Variants in NATD1 observed in about 807,000 individuals in gnomAD.
NATD1 encodes the protein N-acetyltransferase domain containing 1, also known as protein NATD1.
In NATD1, 9 loss-of-function variants were observed where a neutral mutation model predicts 12.0. The ratio of observed to expected loss-of-function variants is 0.75; its 90% CI spans 0.45 to 1.30. The LOEUF (loss-of-function observed/expected upper bound fraction) is 1.30, where lower values mean the gene tolerates loss of function less well. Ranked by LOEUF, NATD1 falls within the 50% of genes most tolerant of loss-of-function variation. The pLI is 0.00. For missense variants in NATD1, 148 were observed against 148.5 expected, an observed-to-expected ratio of 1.00 and a Z score of 0.02; for synonymous variants, 71 against 65.9, an observed-to-expected ratio of 1.08 and a Z score of -0.37.
chr17:21,247,568 C>A (rs1208448998), intron 1 of NATD1, among the ~76,000 whole-genome samples: 3 of 152,164 alleles, frequency 2.0e-5, no homozygotes, highest in African/African-American at 7.2e-5. Context: ...GTGATCATCC[C>A]GGGACAGGTC....
rs947270796 is a variant in NATD1 at position 21,240,522 on chromosome 17, G to A, written c.*2791C>T. ...ACCTGTTGATGAGCTTGGAGAATGA[G>A]GAAGGGGACGGTCCAGCGGCCAGCT... On this transcript the variant is annotated 3_prime_UTR_variant, in exon 3 of 3. Transcript: ENST00000611551. 7.2e-5 allele frequency: 11 copies of A among 152,668 alleles called. No homozygotes were observed. The highest frequency in any genetic ancestry group is 2.4e-4 in the African/African-American group (10 of 41,470). 9.5% of individuals were successfully genotyped at this position (152,668 alleles called of 1,614,324 possible).
intron 1 of NATD1, among the ~76,000 whole-genome samples, chr17:21,248,198 G>T (rs1975343436): frequency 6.6e-6 from 1 of 152,166 alleles, no homozygotes; most frequent in Non-Finnish European, 1.5e-5. Flanking sequence ...CCACCTTGGA[G>T]GGCCTTCAAA....
chr17:21,250,572 C>G (rs1013566285), intron 1 of NATD1, among the ~76,000 whole-genome samples: 15 of 152,148 alleles, frequency 9.9e-5, no homozygotes, highest in Non-Finnish European at 1.0e-4. Context: ...CGGGGTGAAT[C>G]ACAGCTCTTC....
At position 21,253,320 on chromosome 17, in the gene NATD1, T is replaced by G; in HGVS notation, c.-56A>C. 1.3e-6 allele frequency: 1 copy of G among 783,738 alleles called. No individual in the cohort carries two copies. The highest frequency in any genetic ancestry group is 1.5e-6 in the Non-Finnish European group (1 of 648,546). 48.5% of individuals were successfully genotyped at this position (783,738 alleles called of 1,614,324 possible). ...GGGGGCCGGGGCGCGCGGGGAAAGGTCAGGCGCGCGGCGGGGCTGGAGCGC... is the reference window on the plus strand; with the variant it reads ...GGGGGCCGGGGCGCGCGGGGAAAGGGCAGGCGCGCGGCGGGGCTGGAGCGC... On this transcript the variant is annotated 5_prime_UTR_variant, in exon 1 of 3. Transcript: ENST00000611551.
intron 1 of NATD1, among the ~76,000 whole-genome samples, chr17:21,249,460 C>T (rs1192536960): frequency 6.6e-6 from 1 of 152,170 alleles, no homozygotes; most frequent in African/African-American, 2.4e-5. Context: ...TGGTCCAGCC[C>T]AGCCCAACAC....
At position 21,243,214 on chromosome 17, in the gene NATD1, G is replaced by T; in HGVS notation, c.*99C>A. ...AGTGTCCTTACAAAAATAACTCTGA[G>T]TCTGTTCCCAGTGGGACCAGGTTCC... is the stretch of plus-strand genomic sequence containing the variant. On this transcript the variant is annotated 3_prime_UTR_variant, in exon 3 of 3. Transcript: ENST00000611551. 1.1e-6 allele frequency: 1 copy of T among 883,060 alleles called. No homozygotes were observed. 54.7% of individuals were successfully genotyped at this position (883,060 alleles called of 1,614,324 possible).
chr17:21,252,343 C>A (rs1975384279), intron 1 of NATD1, among the ~76,000 whole-genome samples: 1 of 152,208 alleles, frequency 6.6e-6, no homozygotes, highest in Non-Finnish European at 1.5e-5. Context: ...TAAGGGAGAA[C>A]TTGCCCTTGC....
intron 1 of NATD1, among the ~76,000 whole-genome samples, chr17:21,245,531 G>C (rs1027027722): frequency 9.9e-5 from 15 of 152,114 alleles, no homozygotes; most frequent in Non-Finnish European, 1.6e-4. Flanking sequence ...CTGGCTCTTG[G>C]TATCTCCTTT....
At chr17:21,252,128 T>C (rs1035094269) in intron 1 of NATD1, among the ~76,000 whole-genome samples, 1 of 152,072 alleles carries the variant, frequency 6.6e-6, no homozygotes, top group Non-Finnish European at 1.5e-5. Context: ...CTGGCCAACA[T>C]GGTGAAAGCC....
chr17:21,253,147 G>A lies in NATD1; in HGVS notation c.106+12C>T. ...GCAGACAAAAGGTCGGGGCGGGCCG[G>A]GGCCGCCTTACCGTTGAGCCGGACA... On this transcript the variant is annotated intron_variant, in intron 1 of 2. Transcript: ENST00000611551. 1 of 1,018,108 alleles carries A rather than the reference G, an allele frequency of 9.8e-7. No homozygotes were observed. Among genetic ancestry groups the A allele is most frequent in the Non-Finnish European group, 1.2e-6 (1 of 852,160 alleles). 63.1% of individuals were successfully genotyped at this position (1,018,108 alleles called of 1,614,324 possible). A position where few individuals can be genotyped will look rare whatever the true frequency, so the allele number is the denominator to read the frequency against.
intron 1 of NATD1, among the ~76,000 whole-genome samples, chr17:21,247,131 T>G (rs532755937): frequency 6.6e-6 from 1 of 152,232 alleles, no homozygotes; most frequent in African/African-American, 2.4e-5. Flanking sequence ...GGGCCATGGA[T>G]GGACCTGACC....
At chr17:21,248,115 C>G (rs1232247488) in intron 1 of NATD1, among the ~76,000 whole-genome samples, 1 of 152,150 alleles carries the variant, frequency 6.6e-6, no homozygotes, top group Non-Finnish European at 1.5e-5. Context: ...TGGGCCAGAC[C>G]ACATGGCACT....
chr17:21,240,184 TG>T lies in NATD1; in HGVS notation c.*3128del. On this transcript the variant is annotated 3_prime_UTR_variant, in exon 3 of 3. Coordinates refer to ENST00000611551, the MANE Select transcript of NATD1 (RefSeq NM_152914.3). ...TGTGCCTGGAGGTGGCAGGGAACTG[TG>T]GTGTGGGGGCTGGGCCAGCCGGGAA... is the stretch of plus-strand genomic sequence containing the variant. The T allele has an allele frequency of 6.6e-6, 1 of 152,590 alleles. No individual in the cohort carries two copies. Among genetic ancestry groups the T allele is most frequent in the Non-Finnish European group, 1.5e-5 (1 of 68,274 alleles). 9.5% of individuals were successfully genotyped at this position (152,590 alleles called of 1,614,324 possible). A position where few individuals can be genotyped will look rare whatever the true frequency, so the allele number is the denominator to read the frequency against.
intron 1 of NATD1, among the ~76,000 whole-genome samples, chr17:21,249,027 G>A (rs1171017401): frequency 6.6e-6 from 1 of 152,076 alleles, no homozygotes; most frequent in Non-Finnish European, 1.5e-5. Context: ...TGCTCTCTCT[G>A]CCCCTCCTGA....
rs535740650 is a variant in NATD1 at position 21,246,727 on chromosome 17, A to AGC, written c.107-2505_107-2504dup. Among the ~76,000 whole-genome samples the AGC allele has an allele frequency of 2.9e-3, 441 of 151,972 alleles. 3 individuals are homozygous for AGC. The highest frequency in any genetic ancestry group is 4.6e-3 in the Non-Finnish European group (312 of 67,944). ...CATCACAGAGGCCACACAGGTGATAAGCTGACAGGTGCCAAGGATCACTAT... is the reference window on the plus strand; with the variant it reads ...CATCACAGAGGCCACACAGGTGATAAGCGCTGACAGGTGCCAAGGATCACTAT... On this transcript the variant is annotated intron_variant, in intron 1 of 2. Transcript: ENST00000611551.
rs28603161 is a variant in NATD1 at position 21,240,817 on chromosome 17, G to A, written c.*2496C>T. On this transcript the variant is annotated 3_prime_UTR_variant, in exon 3 of 3. Transcript: ENST00000611551. ...CCAGGCAGACAGGGTAGCACCAGATGGGATGGGCTGGGGGCTCCAGGGCAC... is the reference window on the plus strand; with the variant it reads ...CCAGGCAGACAGGGTAGCACCAGATAGGATGGGCTGGGGGCTCCAGGGCAC... 0.047 allele frequency: 7,162 copies of A among 152,918 alleles called. 306 individuals are homozygous for A. Among genetic ancestry groups the A allele is most frequent in the African/African-American group, 0.11 (4,577 of 41,566 alleles). The allele number at this position is 152,918 out of a possible 1,614,324, so 9.5% of individuals were successfully genotyped here.
intron 1 of NATD1, among the ~76,000 whole-genome samples, chr17:21,252,058 C>T (rs551357550): frequency 1.3e-5 from 2 of 152,298 alleles, no homozygotes; most frequent in South Asian, 4.1e-4. Flanking sequence ...CTCCTGTAAT[C>T]CCAGCACTTT....
chr17:21,244,029 G>C lies in NATD1; in HGVS notation c.225+77C>G. The C allele has an allele frequency of 7.4e-7, 1 of 1,346,598 alleles. No homozygotes were observed. The highest frequency in any genetic ancestry group is 1.4e-5 in the South Asian group (1 of 73,296). The allele number at this position is 1,346,598 out of a possible 1,614,324, so 83.4% of individuals were successfully genotyped here. ...GAAGCAGGCTGAAGTGGCCACCAGG[G>C]CCACCGTCTCCTCGGAGCGAAGGTG... On this transcript the variant is annotated intron_variant, in intron 2 of 2. Transcript: ENST00000611551. This position sits in a 1 kb window ranked among gnomAD's most constrained non-coding sequence, Gnocchi z 5.2.
rs1382713070 is a variant in NATD1 at position 21,253,230 on chromosome 17, G to A, written c.35C>T (p.Ala12Val). Residue 12 changes from alanine (A) to valine (V), a missense_variant, in exon 1 of 3, where the codon GCG (alanine) becomes GTG (valine). Coordinates refer to ENST00000611551, the MANE Select transcript of NATD1 (RefSeq NM_152914.3). ...AHSAAAVPLG[A>V]LEQGCPIRVE... ...GCGGATGGGGCAGCCCTGCTCCAGC[G>A]CGCCCAGCGGCACGGCGGCAGCCGA... The A allele has an allele frequency of 1.0e-6, 1 of 1,002,118 alleles. No homozygotes were observed. Among genetic ancestry groups the A allele is most frequent in the Non-Finnish European group, 1.2e-6 (1 of 842,420 alleles). 62.1% of individuals were successfully genotyped at this position (1,002,118 alleles called of 1,614,324 possible).
Sources: gnomAD v4.1 joint callset for allele counts (sites outside exome capture counted in the v4.1 genomes callset) on GRCh38, gnomAD v4.1.1 for gene constraint, Gnocchi (gnomAD v3.1) non-coding constraint, MANE v1.5 for transcripts, NCBI Gene and HGNC (gene_info 2026-07-23, HGNC 2026-07-21) for gene names.